Variants in EEPD1 observed in about 807,000 individuals in gnomAD.
EEPD1 encodes endonuclease/exonuclease/phosphatase family domain-containing protein 1.
In EEPD1, 17 loss-of-function variants were observed where a neutral mutation model predicts 46.3. That is an observed-to-expected ratio of 0.37 (90% CI 0.25 to 0.55). The LOEUF (loss-of-function observed/expected upper bound fraction) is 0.55, where lower values mean the gene tolerates loss of function less well. Ranked by LOEUF, EEPD1 falls within the 20% of genes least tolerant of loss-of-function variation. The probability of loss-of-function intolerance (pLI) is 0.83; values close to 1 mark genes in which losing one functional copy is unlikely to be tolerated. For missense variants in EEPD1, 673 were observed against 745.6 expected, an observed-to-expected ratio of 0.90 and a Z score of 1.13; for synonymous variants, 313 against 315.6, an observed-to-expected ratio of 0.99 and a Z score of 0.09.
chr7:36,183,367 T>C (rs1259484886), intron 2 of EEPD1, among the ~76,000 whole-genome samples: 1 of 152,208 alleles, frequency 6.6e-6, no homozygotes, highest in Non-Finnish European at 1.5e-5. Flanking sequence ...CACGTCTCCC[T>C]GTGAGATCAG....
intron 2 of EEPD1, among the ~76,000 whole-genome samples, chr7:36,165,435 T>C (rs1468028793): frequency 7.4e-6 from 1 of 135,752 alleles, no homozygotes; most frequent in Admixed American, 7.4e-5. Context: ...TTTTTTTTTT[T>C]TTTTGACAGA....
At chr7:36,256,358 T>G (rs182217531) in intron 3 of EEPD1, among the ~76,000 whole-genome samples, 19 of 152,336 alleles carry the variant, frequency 1.2e-4, no homozygotes, top group African/African-American at 4.1e-4. Flanking sequence ...AGAGCTGAGT[T>G]CAAGTCCTGA....
chr7:36,277,387 G>A (rs1787198255), intron 3 of EEPD1, among the ~76,000 whole-genome samples: 1 of 152,234 alleles, frequency 6.6e-6, no homozygotes, highest in African/African-American at 2.4e-5. Flanking sequence ...GCGTGCAATG[G>A]CATCTGCCTT....
chr7:36,233,533 C>T (rs948390125), intron 2 of EEPD1, among the ~76,000 whole-genome samples: 2 of 152,246 alleles, frequency 1.3e-5, no homozygotes, highest in African/African-American at 4.8e-5. Flanking sequence ...TCTCAGCCCC[C>T]AGCCTCAAGG....
At chr7:36,263,548 G>A (rs1207498286) in intron 3 of EEPD1, among the ~76,000 whole-genome samples, 1 of 152,198 alleles carries the variant, frequency 6.6e-6, no homozygotes, top group African/African-American at 2.4e-5. Flanking sequence ...AATGTGTATA[G>A]CTCTGGGGAT....
intron 2 of EEPD1, among the ~76,000 whole-genome samples, chr7:36,168,366 G>A (rs545244561): frequency 2.6e-5 from 4 of 152,298 alleles, no homozygotes; most frequent in East Asian, 1.9e-4. Flanking sequence ...ATGAAGTGAC[G>A]TACTTGGTGA....
intron 3 of EEPD1, among the ~76,000 whole-genome samples, chr7:36,245,551 G>T (rs1299327378): frequency 6.6e-6 from 1 of 152,160 alleles, no homozygotes; most frequent in Non-Finnish European, 1.5e-5. Flanking sequence ...GGGGCCCCTT[G>T]TGGGATCAGG....
At chr7:36,290,833 C>T (rs548187184) in intron 6 of EEPD1, among the ~76,000 whole-genome samples, 110 of 152,300 alleles carry the variant, frequency 7.2e-4, no homozygotes, top group African/African-American at 2.4e-3. Flanking sequence ...AACGTTCTCC[C>T]CTCACTGCTG....
intron 2 of EEPD1, among the ~76,000 whole-genome samples, chr7:36,162,104 G>A (rs6462657): frequency 0.32 from 48,598 of 151,984 alleles, 8,490 homozygotes; most frequent in Middle Eastern, 0.43. Flanking sequence ...TCCAGGAAAT[G>A]CCACAAAAAT....
chr7:36,284,069 C>T (rs900663245), intron 4 of EEPD1, among the ~76,000 whole-genome samples: 1 of 152,222 alleles, frequency 6.6e-6, no homozygotes, highest in Non-Finnish European at 1.5e-5. Flanking sequence ...CCACCGCCAG[C>T]CCTGGCACCT....
chr7:36,298,769 G>A (rs196611), intron 7 of EEPD1, among the ~76,000 whole-genome samples: 42,475 of 152,182 alleles, frequency 0.28, 6,445 homozygotes, highest in Non-Finnish European at 0.35. Context: ...AGGAGGCCTG[G>A]CCTCTGGGTG....
intron 3 of EEPD1, among the ~76,000 whole-genome samples, chr7:36,269,713 TAGAG>T (rs1562707920): frequency 6.6e-6 from 1 of 152,180 alleles, no homozygotes; most frequent in African/African-American, 2.4e-5. Context: ...CTGGGCAACA[TAGAG>T]AGATCCCATC....
At chr7:36,261,007 A>G (rs929534410) in intron 3 of EEPD1, among the ~76,000 whole-genome samples, 4 of 152,222 alleles carry the variant, frequency 2.6e-5, no homozygotes, top group African/African-American at 9.6e-5. Context: ...GTACCATTTT[A>G]TATCAGGGAC....
At chr7:36,292,490 T>C (rs1280577139) in intron 6 of EEPD1, among the ~76,000 whole-genome samples, 1 of 151,310 alleles carries the variant, frequency 6.6e-6, no homozygotes, top group African/African-American at 2.4e-5. Flanking sequence ...TCTTTCTCTC[T>C]CTTTTTCTCT....
chr7:36,278,945 C>T (rs1787220513), intron 3 of EEPD1, among the ~76,000 whole-genome samples: 1 of 152,162 alleles, frequency 6.6e-6, no homozygotes, highest in Admixed American at 6.5e-5. Flanking sequence ...AAAGTAGAAC[C>T]TATAAAAGTC....
intron 3 of EEPD1, among the ~76,000 whole-genome samples, chr7:36,270,314 T>G (rs966455831): frequency 2.0e-5 from 3 of 152,222 alleles, no homozygotes; most frequent in Non-Finnish European, 4.4e-5. Context: ...TTTATTTATT[T>G]ATTTTTTATT....
intron 2 of EEPD1, among the ~76,000 whole-genome samples, chr7:36,206,329 C>A (rs1022321280): frequency 6.6e-6 from 1 of 150,952 alleles, no homozygotes; most frequent in East Asian, 1.9e-4. Context: ...AAGAAACAGA[C>A]AACAGTCATT....
intron 2 of EEPD1, among the ~76,000 whole-genome samples, chr7:36,163,817 G>A (rs1784940301): frequency 6.6e-6 from 1 of 150,450 alleles, no homozygotes; most frequent in African/African-American, 2.5e-5. Flanking sequence ...GGTGGAGCTT[G>A]CAGTGAGCCG....
chr7:36,158,570 C>T (rs1448483367), intron 2 of EEPD1, among the ~76,000 whole-genome samples: 1 of 152,134 alleles, frequency 6.6e-6, no homozygotes, highest in African/African-American at 2.4e-5. Context: ...TGAGGTAGGA[C>T]AGCATTATTT....
Sources: allele counts gnomAD v4.1 joint callset (sites outside exome capture counted in the v4.1 genomes callset), GRCh38; gene constraint gnomAD v4.1.1; transcripts MANE v1.5; gene names NCBI Gene and HGNC (gene_info 2026-07-23, HGNC 2026-07-21).